The following RALYL variants were observed in gnomAD, a reference collection of about 807,000 sequenced individuals.
RALYL encodes RNA-binding Raly-like protein.
In RALYL, 29 loss-of-function variants were observed where a neutral mutation model predicts 35.1. The observed-to-expected ratio is 0.83, with a 90% CI of 0.61 to 1.13. The LOEUF is 1.13. Ranked by LOEUF, RALYL falls within the 50% of genes most tolerant of loss-of-function variation. RALYL has a pLI of 0.00. For missense variants in RALYL, 359 were observed against 360.4 expected, an observed-to-expected ratio of 1.00 and a Z score of 0.03; for synonymous variants, 120 against 127.6, an observed-to-expected ratio of 0.94 and a Z score of 0.40.
At chr8:84,750,012 C>G (rs541332053) in intron 2 of RALYL, among the ~76,000 whole-genome samples, 1 of 152,110 alleles carries the variant, frequency 6.6e-6, no homozygotes, top group Non-Finnish European at 1.5e-5. Flanking sequence ...CTGGGAGAAG[C>G]CTGGAACAGA....
At chr8:84,200,787 G>A (rs1464958625) in intron 1 of RALYL, among the ~76,000 whole-genome samples, 3 of 152,106 alleles carry the variant, frequency 2.0e-5, no homozygotes, top group Non-Finnish European at 4.4e-5. Flanking sequence ...TTAATGGGGG[G>A]ATGGGATGAC....
chr8:84,440,689 A>G (rs1196221537), intron 1 of RALYL, among the ~76,000 whole-genome samples: 1 of 151,902 alleles, frequency 6.6e-6, no homozygotes, highest in African/African-American at 2.4e-5. Flanking sequence ...ACATATTAAT[A>G]TTATTTTCCT....
chr8:84,401,380 G>A (rs1464706424), intron 1 of RALYL, among the ~76,000 whole-genome samples: 7 of 152,028 alleles, frequency 4.6e-5, no homozygotes, highest in Admixed American at 3.9e-4. Flanking sequence ...GCTCACACCT[G>A]TAATCCCAGC....
chr8:84,302,220 G>A (rs1218410813), intron 1 of RALYL, among the ~76,000 whole-genome samples: 2 of 152,202 alleles, frequency 1.3e-5, no homozygotes, highest in Non-Finnish European at 2.9e-5. Context: ...ACTTTTGAAA[G>A]TTGTTCCTTA....
intron 8 of RALYL, among the ~76,000 whole-genome samples, chr8:84,913,019 GAT>G (rs1426671654): frequency 2.9e-5 from 4 of 136,694 alleles, no homozygotes; most frequent in Non-Finnish European, 4.6e-5. Context: ...TGGATGGATG[GAT>G]GGATGGATGG....
chr8:84,848,328 A>T (rs1835075782), intron 4 of RALYL, among the ~76,000 whole-genome samples: 1 of 151,954 alleles, frequency 6.6e-6, no homozygotes. Context: ...GGTGATATAG[A>T]TAATATTTAC....
chr8:84,454,436 A>G (rs923031520), intron 1 of RALYL, among the ~76,000 whole-genome samples: 2 of 151,850 alleles, frequency 1.3e-5, no homozygotes, highest in African/African-American at 4.8e-5. Flanking sequence ...TGCGATCTTT[A>G]AGGATCAATG....
intron 2 of RALYL, among the ~76,000 whole-genome samples, chr8:84,567,776 T>A (rs1323153858): frequency 6.6e-6 from 1 of 151,676 alleles, no homozygotes; most frequent in Non-Finnish European, 1.5e-5. Flanking sequence ...CTTTGAGGTG[T>A]CTTCATACTG....
intron 7 of RALYL, among the ~76,000 whole-genome samples, chr8:84,879,018 C>G (rs1841712754): frequency 8.9e-6 from 1 of 112,220 alleles, no homozygotes; most frequent in African/African-American, 5.7e-5. Flanking sequence ...GAGTACTTCA[C>G]CAAAAACACA....
chr8:84,267,173 A>G (rs1833494531), intron 1 of RALYL, among the ~76,000 whole-genome samples: 1 of 152,160 alleles, frequency 6.6e-6, no homozygotes, highest in African/African-American at 2.4e-5. Context: ...GAAAATGACC[A>G]AAATCTATTC....
intron 1 of RALYL, among the ~76,000 whole-genome samples, chr8:84,204,616 C>T (rs1817652355): frequency 6.6e-6 from 1 of 152,128 alleles, no homozygotes; most frequent in Non-Finnish European, 1.5e-5. Context: ...AATGTTGTCT[C>T]ACCATACTAT....
chr8:84,795,646 G>C (rs1821736886), intron 3 of RALYL, among the ~76,000 whole-genome samples: 1 of 152,080 alleles, frequency 6.6e-6, no homozygotes, highest in Non-Finnish European at 1.5e-5. Flanking sequence ...CCTTCCATTA[G>C]CACAAGTTGG....
intron 1 of RALYL, among the ~76,000 whole-genome samples, chr8:84,439,595 G>C (rs2048117831): frequency 6.6e-6 from 1 of 151,794 alleles, no homozygotes; most frequent in Non-Finnish European, 1.5e-5. Flanking sequence ...TTGTTTTCAG[G>C]ATTTATTTTC....
chr8:84,579,746 A>G (rs1810403437), intron 2 of RALYL, among the ~76,000 whole-genome samples: 1 of 152,240 alleles, frequency 6.6e-6, no homozygotes, highest in Admixed American at 6.5e-5. Context: ...AAATTGTGGC[A>G]AAATAAAAAT....
chr8:84,899,430 A>G (rs1194115790), intron 8 of RALYL, among the ~76,000 whole-genome samples: 1 of 152,160 alleles, frequency 6.6e-6, no homozygotes, highest in African/African-American at 2.4e-5. Context: ...TGTTAAAGAA[A>G]GAGAGAGGAA....
intron 1 of RALYL, among the ~76,000 whole-genome samples, chr8:84,351,481 G>A (rs1850874215): frequency 6.7e-6 from 1 of 149,558 alleles, no homozygotes; most frequent in Non-Finnish European, 1.5e-5. Flanking sequence ...TCCCAGGGGT[G>A]CATAAATTTC....
intron 1 of RALYL, among the ~76,000 whole-genome samples, chr8:84,367,995 T>C (rs1854845139): frequency 6.6e-6 from 1 of 152,204 alleles, no homozygotes; most frequent in Admixed American, 6.5e-5. Context: ...AGGGAATGTC[T>C]TAAATGGTTC....
At chr8:84,341,202 A>T in intron 1 of RALYL, among the ~76,000 whole-genome samples, 1 of 145,200 alleles carries the variant, frequency 6.9e-6, no homozygotes, top group South Asian at 2.2e-4. Context: ...GAGTTTTATA[A>T]TTTTGGCTAT....
At chr8:84,905,850 T>C (rs891307235) in intron 8 of RALYL, among the ~76,000 whole-genome samples, 4 of 152,202 alleles carry the variant, frequency 2.6e-5, no homozygotes, top group Non-Finnish European at 4.4e-5. Flanking sequence ...CTTCCAGAGC[T>C]ACATGATAGT....
Sources: gnomAD v4.1 joint callset for allele counts (sites outside exome capture counted in the v4.1 genomes callset) on GRCh38, gnomAD v4.1.1 for gene constraint, MANE v1.5 for transcripts, NCBI Gene and HGNC (gene_info 2026-07-23, HGNC 2026-07-21) for gene names.